The following RBFOX1 variants were observed in gnomAD, a reference collection of about 807,000 sequenced individuals.
The protein encoded by RBFOX1 is RNA binding fox-1 homolog 1.
A neutral mutation model predicts 57.7 loss-of-function variants in RBFOX1; 8 were observed. The ratio of observed to expected loss-of-function variants is 0.14; its 90% CI spans 0.08 to 0.25. The LOEUF (loss-of-function observed/expected upper bound fraction) is 0.25, where lower values mean the gene tolerates loss of function less well. Among genes scored for constraint, RBFOX1 ranks in the 10% least tolerant of loss-of-function variants. The probability of loss-of-function intolerance (pLI) is 1.00; values close to 1 mark genes in which losing one functional copy is unlikely to be tolerated. For synonymous variants in RBFOX1, 326 were observed against 222.4 expected (o/e 1.47, Z -4.15); for missense variants, 611 against 548.5 (o/e 1.11, Z -1.14).
chr16:6,391,530 A>T (rs576125385), intron 2 of RBFOX1, among the ~76,000 whole-genome samples: 6 of 152,014 alleles, frequency 3.9e-5, no homozygotes, highest in South Asian at 2.1e-4. Context: ...AAAAAGAAAA[A>T]AAAGTATCAT....
chr16:6,925,127 T>G (rs1474874938), intron 3 of RBFOX1, among the ~76,000 whole-genome samples: 1 of 90,396 alleles, frequency 1.1e-5, no homozygotes, highest in South Asian at 4.9e-4. Flanking sequence ...TTTTTTTTTT[T>G]TTTTTTTTTT....
intron 4 of RBFOX1, among the ~76,000 whole-genome samples, chr16:5,871,263 C>T (rs2057463494): frequency 1.3e-5 from 2 of 152,320 alleles, no homozygotes; most frequent in South Asian, 4.1e-4. Context: ...ATCTGAAATT[C>T]CCTCTGCTAG....
intron 4 of RBFOX1, among the ~76,000 whole-genome samples, chr16:5,951,676 A>C (rs2059522743): frequency 6.6e-6 from 1 of 151,974 alleles, no homozygotes. Flanking sequence ...AGTCTCCCCT[A>C]TGACCGTCCC....
intron 4 of RBFOX1, among the ~76,000 whole-genome samples, chr16:7,366,261 G>C (rs1486937330): frequency 6.6e-6 from 1 of 152,226 alleles, no homozygotes; most frequent in East Asian, 1.9e-4. Flanking sequence ...TAAATCCGAT[G>C]TTGTTTCCAG....
chr16:7,046,806 G>C (rs781181204), intron 3 of RBFOX1, among the ~76,000 whole-genome samples: 3 of 151,764 alleles, frequency 2.0e-5, no homozygotes, highest in South Asian at 2.1e-4. Flanking sequence ...GGGTTTTGCT[G>C]TGTTGACCAG....
At chr16:6,377,715 A>C (rs2091350670) in intron 2 of RBFOX1, among the ~76,000 whole-genome samples, 1 of 152,218 alleles carries the variant, frequency 6.6e-6, no homozygotes, top group African/African-American at 2.4e-5. Context: ...TTTAAATGCA[A>C]ATTTTGACTT....
At chr16:5,699,639 C>T (rs773326087) in intron 3 of RBFOX1, among the ~76,000 whole-genome samples, 1 of 151,980 alleles carries the variant, frequency 6.6e-6, no homozygotes, top group African/African-American at 2.4e-5. Context: ...TTTTGGTTGT[C>T]AGCTCTGGGT....
chr16:7,490,430 A>AT (rs1567469361), intron 4 of RBFOX1, among the ~76,000 whole-genome samples: 1 of 152,156 alleles, frequency 6.6e-6, no homozygotes, highest in African/African-American at 2.4e-5. Flanking sequence ...CTATGATTCT[A>AT]GTTTCACTGT....
rs74435225 is a variant in RBFOX1 at position 5,954,333 on chromosome 16, G to T, written c.351+86998G>T. On this transcript the variant is annotated intron_variant, in intron 4 of 19. Coordinates refer to the RBFOX1 transcript ENST00000641259. ...CATCCTCCTGTCTAACTCAGGCCGG[G>T]TGGGGGTTGGGAACAATAACGGTGG... Among the ~76,000 whole-genome samples, 118 of 152,260 alleles carry T rather than the reference G, an allele frequency of 7.7e-4. 2 individuals carry two copies. The East Asian group carries it at 0.022, about 29-fold the overall frequency.
At chr16:5,438,575 T>C (rs1181737467) in intron 1 of RBFOX1, among the ~76,000 whole-genome samples, 2 of 152,176 alleles carry the variant, frequency 1.3e-5, no homozygotes, top group East Asian at 3.8e-4. Context: ...TCCTATTAGC[T>C]GGCCTGGTTG....
At chr16:6,454,549 C>T (rs2094712234) in intron 2 of RBFOX1, among the ~76,000 whole-genome samples, 1 of 152,094 alleles carries the variant, frequency 6.6e-6, no homozygotes, top group Non-Finnish European at 1.5e-5. Flanking sequence ...CTGAGTGAGA[C>T]ACCTTCTCAA....
At chr16:6,499,709 C>T (rs924429569) in intron 2 of RBFOX1, among the ~76,000 whole-genome samples, 1 of 151,940 alleles carries the variant, frequency 6.6e-6, no homozygotes, top group Non-Finnish European at 1.5e-5. Context: ...GGCTGGTTTT[C>T]CCCCTGATTT....
chr16:6,761,987 C>T (rs372157424), intron 3 of RBFOX1, among the ~76,000 whole-genome samples: 10 of 152,244 alleles, frequency 6.6e-5, no homozygotes, highest in Admixed American at 1.3e-4. Flanking sequence ...TGCCTTCTCA[C>T]GTGCCGCTCA....
intron 1 of RBFOX1, among the ~76,000 whole-genome samples, chr16:5,354,144 TC>T (rs960738220): frequency 2.0e-5 from 3 of 152,200 alleles, no homozygotes; most frequent in African/African-American, 7.2e-5. Flanking sequence ...TGGAACATTT[TC>T]CCTGTCTCCT....
chr16:5,906,727 CTT>C (rs57589514), intron 4 of RBFOX1, among the ~76,000 whole-genome samples: 290 of 71,426 alleles, frequency 4.1e-3, no homozygotes, highest in African/African-American at 0.014. Flanking sequence ...ATCCTAGATT[CTT>C]TTTTTTTTTT....
chr16:6,385,812 G>C (rs530224169), intron 2 of RBFOX1, among the ~76,000 whole-genome samples: 35 of 152,356 alleles, frequency 2.3e-4, no homozygotes, highest in African/African-American at 8.2e-4. Flanking sequence ...TGAATTATCA[G>C]ATTCTAGTAC....
intron 4 of RBFOX1, among the ~76,000 whole-genome samples, chr16:7,122,537 G>C (rs1005501328): frequency 1.3e-5 from 2 of 152,130 alleles, no homozygotes; most frequent in Non-Finnish European, 2.9e-5. Flanking sequence ...TAAACACCTA[G>C]TAGAGGCATA....
chr16:5,259,659 T>C (rs2151096002), intron 1 of RBFOX1, among the ~76,000 whole-genome samples: 1 of 152,302 alleles, frequency 6.6e-6, no homozygotes, highest in East Asian at 1.9e-4. Flanking sequence ...GAAGAATCTT[T>C]TTGCCCTTCA....
intron 3 of RBFOX1, among the ~76,000 whole-genome samples, chr16:6,999,570 T>C (rs949382183): frequency 8.5e-5 from 13 of 152,112 alleles, no homozygotes; most frequent in Non-Finnish European, 1.9e-4. Context: ...AGTATACTGA[T>C]CCCTCATATG....
Sources: gnomAD v4.1 joint callset for allele counts (sites outside exome capture counted in the v4.1 genomes callset) on GRCh38, gnomAD v4.1.1 for gene constraint, MANE v1.5 for transcripts, NCBI Gene and HGNC (gene_info 2026-07-23, HGNC 2026-07-21) for gene names.